Variants in RGS6 observed in about 807,000 individuals in gnomAD.
RGS6 encodes the protein regulator of G-protein signaling 6.
Under a neutral mutation model 78.5 loss-of-function variants are expected in RGS6, and 30 were observed. The observed-to-expected ratio is 0.38, with a 90% confidence interval of 0.29 to 0.52. The LOEUF (loss-of-function observed/expected upper bound fraction) is 0.52. Ranked by LOEUF, RGS6 falls within the 20% of genes least tolerant of loss-of-function variation. The pLI is 0.85. For synonymous variants in RGS6, 206 were observed against 206.0 expected, an observed-to-expected ratio of 1.00 and a Z score of 0.00; for missense variants, 495 against 609.7, an observed-to-expected ratio of 0.81 and a Z score of 1.98.
chr14:72,510,355 C>G (rs1340736168), intron 14 of RGS6, 76 bp downstream of exon 14: 16 of 1,567,856 alleles, frequency 1.0e-5, no homozygotes, highest in Admixed American at 1.7e-5. Flanking sequence ...CCATCTCTCT[C>G]TCTCTCAATG....
intron 2 of RGS6, among the ~76,000 whole-genome samples, chr14:72,129,128 G>T (rs1378899015): frequency 6.6e-6 from 1 of 152,132 alleles, no homozygotes; most frequent in African/African-American, 2.4e-5. Flanking sequence ...AGACCAGGTT[G>T]GGCTGAGAAA....
the RGS6 span, among the ~76,000 whole-genome samples, chr14:72,606,651 TC>T: frequency 6.6e-6 from 1 of 152,216 alleles, no homozygotes; most frequent in Admixed American, 6.5e-5. Context: ...CTTCCACTTT[TC>T]CCCGCTGATA....
chr14:72,139,023 G>A (rs768213264), intron 2 of RGS6, among the ~76,000 whole-genome samples: 79 of 152,180 alleles, frequency 5.2e-4, no homozygotes, highest in Non-Finnish European at 9.6e-4. Context: ...CATGAAACCA[G>A]TCCCTGCTGC....
chr14:72,367,162 A>G (rs1410877308), intron 3 of RGS6, among the ~76,000 whole-genome samples: 3 of 152,200 alleles, frequency 2.0e-5, no homozygotes, highest in African/African-American at 7.2e-5. Flanking sequence ...GCACAAAATT[A>G]TAGACTCTTG....
At chr14:72,326,612 C>T (rs1289620043) in intron 2 of RGS6, among the ~76,000 whole-genome samples, 3 of 152,180 alleles carry the variant, frequency 2.0e-5, no homozygotes, top group Non-Finnish European at 4.4e-5. Flanking sequence ...GAGGCCTCCC[C>T]AGAAGCAGAT....
chr14:71,885,256 A>T, the RGS6 span, among the ~76,000 whole-genome samples: 1 of 152,246 alleles, frequency 6.6e-6, no homozygotes, highest in Non-Finnish European at 1.5e-5. Context: ...GACACTAAAG[A>T]AAACAAACAA....
intron 2 of RGS6, among the ~76,000 whole-genome samples, chr14:72,106,363 T>A (rs540511119): frequency 6.6e-6 from 1 of 152,320 alleles, no homozygotes; most frequent in Non-Finnish European, 1.5e-5. Context: ...GGAGATTTAC[T>A]AAATCAGAAA....
chr14:72,537,772 G>C (rs546001187), intron 16 of RGS6: 24 of 566,580 alleles, frequency 4.2e-5, no homozygotes, highest in Admixed American at 1.2e-4. Context: ...TCACAGTTTG[G>C]TGACTTTCTA....
chr14:72,421,896 C>T (rs972822509), intron 3 of RGS6, among the ~76,000 whole-genome samples: 5 of 152,168 alleles, frequency 3.3e-5, no homozygotes, highest in Non-Finnish European at 7.4e-5. Flanking sequence ...GAATCATGCT[C>T]CCGGCTGACC....
At chr14:71,974,337 G>T (rs535806750) in intron 2 of RGS6, among the ~76,000 whole-genome samples, 1 of 152,144 alleles carries the variant, frequency 6.6e-6, no homozygotes, top group African/African-American at 2.4e-5. Context: ...ACATTTTTTT[G>T]ATCAGCATTC....
intron 2 of RGS6, among the ~76,000 whole-genome samples, chr14:72,309,110 C>T (rs1316809592): frequency 6.6e-6 from 1 of 152,092 alleles, no homozygotes; most frequent in Non-Finnish European, 1.5e-5. Context: ...CTGTTGCTCC[C>T]CACACCCCTC....
the RGS6 span, among the ~76,000 whole-genome samples, chr14:72,599,756 C>A: frequency 6.6e-6 from 1 of 151,946 alleles, no homozygotes; most frequent in East Asian, 1.9e-4. Flanking sequence ...GTCACAGCCC[C>A]TGATGAGAGC....
At chr14:72,429,995 G>A (rs773466388) in intron 3 of RGS6, among the ~76,000 whole-genome samples, 2 of 152,178 alleles carry the variant, frequency 1.3e-5, no homozygotes, top group African/African-American at 2.4e-5. Context: ...CTTCTGCCAC[G>A]ATTGTAAGTT....
At chr14:72,541,502 GTCTA>G in intron 17 of RGS6, 1 of 1,535,690 alleles carries the variant, frequency 6.5e-7, no homozygotes, top group Non-Finnish European at 8.7e-7. Flanking sequence ...CGGGTGCCTG[GTCTA>G]TCTTCATGGC....
At chr14:71,983,240 A>T (rs1329327770) in intron 2 of RGS6, among the ~76,000 whole-genome samples, 2 of 152,012 alleles carry the variant, frequency 1.3e-5, no homozygotes, top group East Asian at 3.9e-4. Context: ...GTTATGTAAA[A>T]CTCTGGACAG....
At chr14:71,982,120 AGGCAACGCCTCGCCCT>A in intron 2 of RGS6, among the ~76,000 whole-genome samples, 1 of 152,186 alleles carries the variant, frequency 6.6e-6, no homozygotes, top group Non-Finnish European at 1.5e-5. Context: ...TTCCCGAGTG[AGGCAACGCCTCGCCCT>A]GCTTCGGCTG....
chr14:72,618,236 A>C, the RGS6 span, among the ~76,000 whole-genome samples: 1 of 152,244 alleles, frequency 6.6e-6, no homozygotes, highest in South Asian at 2.1e-4. Context: ...GTCAGGTCTC[A>C]GTAGACAATA....
chr14:72,185,441 C>G (rs1360301352), intron 2 of RGS6, among the ~76,000 whole-genome samples: 2 of 152,134 alleles, frequency 1.3e-5, no homozygotes, highest in Non-Finnish European at 2.9e-5. Flanking sequence ...CCAAAATACC[C>G]TCATAGAAAA....
intron 2 of RGS6, among the ~76,000 whole-genome samples, chr14:72,320,787 A>T (rs938289123): frequency 6.6e-6 from 1 of 150,994 alleles, no homozygotes; most frequent in African/African-American, 2.4e-5. Context: ...TAATATAAGG[A>T]TAAGGTGGAA....
Sources: gnomAD v4.1 joint callset for allele counts (sites outside exome capture counted in the v4.1 genomes callset) on GRCh38, gnomAD v4.1.1 for gene constraint, MANE v1.5 for transcripts, NCBI Gene and HGNC (gene_info 2026-07-23, HGNC 2026-07-21) for gene names.